The following OTUD3 variants were observed in gnomAD, a reference collection of about 807,000 sequenced individuals.
OTUD3 encodes the protein OTU deubiquitinase 3, also known as OTU domain-containing protein 3.
A neutral mutation model predicts 46.2 loss-of-function variants in OTUD3; 24 were observed. That is an observed-to-expected ratio of 0.52 (90% confidence interval 0.38 to 0.73). OTUD3 has a LOEUF of 0.73. Ranked by LOEUF, OTUD3 falls within the 30% of genes least tolerant of loss-of-function variation. OTUD3 has a pLI of 0.00. For missense variants in OTUD3, 455 were observed against 523.3 expected (o/e 0.87, Z 1.27); for synonymous variants, 189 against 195.4 (o/e 0.97, Z 0.27).
At position 19,907,979 on chromosome 1, in the gene OTUD3, A is replaced by C. The variant is rs1043699162; in HGVS notation, c.*233A>C. On this transcript the variant is annotated 3_prime_UTR_variant, in exon 8 of 8. Coordinates refer to ENST00000375120, the MANE Select transcript of OTUD3 (RefSeq NM_015207.2). ...GAGGCCATTCATATTCTGTAATACAAAATTAAAATACTGAGTTTTAGGGGC... is the reference window on the plus strand; with the variant it reads ...GAGGCCATTCATATTCTGTAATACACAATTAAAATACTGAGTTTTAGGGGC... 2.5e-6 allele frequency: 1 copy of C among 403,422 alleles called. No homozygotes were observed. The highest frequency in any genetic ancestry group is 4.0e-5 in the East Asian group (1 of 25,252). 25.0% of individuals were successfully genotyped at this position (403,422 alleles called of 1,614,324 possible). A position where few individuals can be genotyped will look rare whatever the true frequency, so the allele number is the denominator to read the frequency against.
rs1236712291 is a variant in OTUD3, at chr1:19,894,307, A to G, written c.371-61A>G. 9 of 895,902 alleles carry G rather than the reference A, an allele frequency of 1.0e-5. No homozygotes were observed. In the Admixed American group the frequency reaches 2.1e-4, roughly 20 times the overall value. 55.5% of individuals were successfully genotyped at this position (895,902 alleles called of 1,614,324 possible). ...TTTGGAACTCAGTAAATACCAAAGC[A>G]TGTTTGCATTTAGATTTTTCCACTA... is the stretch of plus-strand genomic sequence containing the variant. On this transcript the variant is annotated intron_variant, in intron 2 of 7. Coordinates refer to ENST00000375120, the MANE Select transcript of OTUD3 (RefSeq NM_015207.2).
chr1:19,900,373 A>G (rs907211503), intron 4 of OTUD3, among the ~76,000 whole-genome samples: 2 of 151,892 alleles, frequency 1.3e-5, no homozygotes, highest in Non-Finnish European at 1.5e-5. Context: ...TATTTTTTGT[A>G]GAGACAGGGT....
At position 19,909,719 on chromosome 1, in the gene OTUD3, A is replaced by G. The variant is rs1169862060; in HGVS notation, c.*1973A>G. The G allele has an allele frequency of 6.6e-6, 1 of 152,386 alleles. No individual in the cohort carries two copies. The highest frequency in any genetic ancestry group is 1.5e-5 in the Non-Finnish European group (1 of 68,040). The allele number at this position is 152,386 out of a possible 1,614,324, so 9.4% of individuals were successfully genotyped here. ...AGAGAGACTTATTGTCAGAAGTAGT[A>G]GAATTGCTTTATTTACTTGGTTAAT... On this transcript the variant is annotated 3_prime_UTR_variant, in exon 8 of 8. Transcript: ENST00000375120.
At position 19,910,056 on chromosome 1, in the gene OTUD3, CTGGGTACA is replaced by C. The variant is rs1223412679; in HGVS notation, c.*2313_*2320del. ...TTTAGACTTCACTGCCTCAGTCTCA[CTGGGTACA>C]TGAGAAGGTTGGAATCAACATGCTT... On this transcript the variant is annotated 3_prime_UTR_variant, in exon 8 of 8. Transcript: ENST00000375120. The C allele has an allele frequency of 1.3e-5, 2 of 152,380 alleles. No homozygotes were observed. Among genetic ancestry groups the C allele is most frequent in the African/African-American group, 4.8e-5 (2 of 41,462 alleles). 9.4% of individuals were successfully genotyped at this position (152,380 alleles called of 1,614,324 possible).
intron 4 of OTUD3, among the ~76,000 whole-genome samples, chr1:19,900,706 C>T (rs1332764794): frequency 1.3e-5 from 2 of 152,046 alleles, no homozygotes; most frequent in Non-Finnish European, 2.9e-5. Context: ...TATTCCTAGA[C>T]ATTTGGTTCT....
At chr1:19,904,480 C>G (rs554670366) in intron 5 of OTUD3, 82 bp downstream of exon 5, 1 of 1,345,248 alleles carries the variant, frequency 7.4e-7, no homozygotes. Flanking sequence ...TAGCACCTCT[C>G]TAGCATATCA....
Position 19,882,657 on chromosome 1 carries a change from CT to C in OTUD3, c.145del (p.Cys49AlafsTer17). The C allele has an allele frequency of 6.8e-7, 1 of 1,460,372 alleles. No individual in the cohort carries two copies. 90.5% of individuals were successfully genotyped at this position (1,460,372 alleles called of 1,614,324 possible). On this transcript the variant is annotated frameshift_variant, in exon 1 of 8. Transcript: ENST00000375120. LOFTEE classifies it high-confidence loss of function. ...GGCCGGAGTCTGGCGGCGGCGGCGG[CT>C]GCGAGGAGGAGTTCGTCAGCTTCGC... Reference protein sequence around the residue: ...NRPESGGGGGCEEEFVSFANQ... With the variant: ...NRPESGGGGGXEEEFVSFANQ...
intron 1 of OTUD3, among the ~76,000 whole-genome samples, chr1:19,886,157 T>A (rs1386749190): frequency 6.6e-6 from 1 of 152,212 alleles, no homozygotes; most frequent in Non-Finnish European, 1.5e-5. Flanking sequence ...ACCTTGATGT[T>A]TTCCTTAAAA....
chr1:19,890,600 C>A, intron 2 of OTUD3, 67 bp downstream of exon 2: 1 of 1,332,270 alleles, frequency 7.5e-7, no homozygotes, highest in Non-Finnish European at 1.1e-6. Context: ...CCACTGGCAT[C>A]CTCCCCCCTC....
Position 19,907,655 on chromosome 1 carries a change from G to A in OTUD3, c.1106G>A (p.Ser369Asn), listed in dbSNP as rs765599979. ...EERHRHKALESRGSHRDNNRS... is the reference protein window; with the variant it reads ...EERHRHKALENRGSHRDNNRS... ...AGGCACCGCCACAAAGCCCTGGAGA[G>A]CAGAGGTAGCCACAGGGACAATAAC... The change falls in exon 8 of 8, where the codon AGC (serine) becomes AAC (asparagine). Residue 369 changes from serine to asparagine, a missense_variant. Ser to Asn is a conservative substitution (Grantham distance 46). Transcript: ENST00000375120. 6.2e-7 allele frequency: 1 copy of A among 1,614,226 alleles called. No homozygotes were observed. The highest frequency in any genetic ancestry group is 8.5e-7 in the Non-Finnish European group (1 of 1,180,034).
At chr1:19,882,809 G>GCGTC (rs1233987761) in intron 1 of OTUD3, 75 bp downstream of exon 1, 6 of 1,215,078 alleles carry the variant, frequency 4.9e-6, no homozygotes, top group Non-Finnish European at 6.2e-6. Context: ...TTGCCCGCTC[G>GCGTC]CGTCCATCCA....
chr1:19,895,585 G>A (rs1355705346), intron 3 of OTUD3, among the ~76,000 whole-genome samples: 1 of 152,222 alleles, frequency 6.6e-6, no homozygotes, highest in African/African-American at 2.4e-5. Flanking sequence ...AACAAAGTAA[G>A]ATAGTGCAGG....
At chr1:19,906,812 G>A in intron 7 of OTUD3, 196 bp downstream of exon 7, 1 of 495,714 alleles carries the variant, frequency 2.0e-6, no homozygotes. Flanking sequence ...CGTGACAGTT[G>A]GAAGGAAATA....
At position 19,882,521 on chromosome 1, in the gene OTUD3, G is replaced by A; in HGVS notation, c.8G>A (p.Arg3Gln). The A allele has an allele frequency of 7.4e-7, 1 of 1,346,080 alleles. No homozygotes were observed. The highest frequency in any genetic ancestry group is 9.5e-7 in the Non-Finnish European group (1 of 1,057,022). 83.4% of individuals were successfully genotyped at this position (1,346,080 alleles called of 1,614,324 possible). ...GGACTGCAGGCTAAGGCCATGTCCC[G>A]AAAGCAGGCGGCGAAGAGCCGGCCG... Reference protein sequence around the residue: MSRKQAAKSRPGS... With the variant: MSQKQAAKSRPGS... Residue 3 changes from arginine to glutamine, a missense_variant, in exon 1 of 8, where the codon CGA becomes CAA. Transcript: ENST00000375120.
At position 19,894,385 on chromosome 1, in the gene OTUD3, C is replaced by A; in HGVS notation, c.388C>A (p.Pro130Thr). 1 of 1,607,294 alleles carries A rather than the reference C, an allele frequency of 6.2e-7. No homozygotes were observed. Among genetic ancestry groups the A allele is most frequent in the South Asian group, 1.1e-5 (1 of 90,032 alleles). ...FEKHVASLAK[P>T]GTFAGNDAIV... ...CCATGCAGTGGCCAGTTTGGCAAAG[C>A]CTGGTACTTTTGCTGGCAATGATGC... The change falls in exon 3 of 8, where the codon CCT (proline) becomes ACT (threonine). Residue 130 changes from proline (P) to threonine (T), a missense_variant. Coordinates refer to ENST00000375120, the MANE Select transcript of OTUD3 (RefSeq NM_015207.2).
At chr1:19,883,016 G>C (rs1370724394) in intron 1 of OTUD3, among the ~76,000 whole-genome samples, 2 of 152,260 alleles carry the variant, frequency 1.3e-5, no homozygotes, top group East Asian at 3.9e-4. Flanking sequence ...AGGGCCACTG[G>C]ATTGTGGCCA....
rs536348725 is a variant in OTUD3 at position 19,890,431 on chromosome 1, C to A, written c.268C>A (p.Arg90=). 2 of 1,613,860 alleles carry A rather than the reference C, an allele frequency of 1.2e-6. No homozygotes were observed. Among genetic ancestry groups the A allele is most frequent in the Non-Finnish European group, 1.7e-6 (2 of 1,179,814 alleles). ...ALGDQLEGHS[R]NHLKHRQETV... Reference sequence around the variant, plus strand: ...TGGTGATCAATTGGAGGGACACTCACGAAATCATCTCAAGCACAGACAGGA... The same window carrying A: ...TGGTGATCAATTGGAGGGACACTCAAGAAATCATCTCAAGCACAGACAGGA... The change falls in exon 2 of 8, where the codon CGA becomes AGA. Residue 90 remains arginine (R), a synonymous_variant. Coordinates refer to ENST00000375120, the MANE Select transcript of OTUD3 (RefSeq NM_015207.2).
intron 4 of OTUD3, among the ~76,000 whole-genome samples, chr1:19,898,621 G>A (rs1013240054): frequency 2.0e-5 from 3 of 151,654 alleles, no homozygotes; most frequent in Non-Finnish European, 2.9e-5. Flanking sequence ...CCAGCTACTC[G>A]GGAGGCTGAG....
intron 4 of OTUD3, among the ~76,000 whole-genome samples, chr1:19,903,695 G>A (rs1395775307): frequency 1.3e-5 from 2 of 152,168 alleles, no homozygotes; most frequent in African/African-American, 4.8e-5. Flanking sequence ...TGTTGTTTGT[G>A]GCTTTAGGAT....
Sources: gnomAD v4.1 joint callset for allele counts (sites outside exome capture counted in the v4.1 genomes callset) on GRCh38, gnomAD v4.1.1 for gene constraint, MANE v1.5 for transcripts, NCBI Gene and HGNC (gene_info 2026-07-23, HGNC 2026-07-21) for gene names.